Variants in KLHDC8A observed in about 807,000 individuals in gnomAD.
The protein encoded by KLHDC8A is kelch domain-containing protein 8A.
Under a neutral mutation model 33.1 loss-of-function variants are expected in KLHDC8A, and 21 were observed. That is an observed-to-expected ratio of 0.64 (90% CI 0.45 to 0.91). The LOEUF is 0.91. Among genes scored for constraint, KLHDC8A ranks in the 40% least tolerant of loss-of-function variants. The pLI is 0.00. For synonymous variants in KLHDC8A, 173 were observed against 193.5 expected (o/e 0.89, Z 0.88); for missense variants, 435 against 483.3 (o/e 0.90, Z 0.94).
rs977646525 is a variant in KLHDC8A at position 205,339,519 on chromosome 1, G to A, written c.542-110C>T. ...TTACTCATTCATACAGGAAGCTCCCGGTGGGCTGGGCAGTGTGATTATCCC... is the reference window on the plus strand; with the variant it reads ...TTACTCATTCATACAGGAAGCTCCCAGTGGGCTGGGCAGTGTGATTATCCC... On this transcript the variant is annotated intron_variant, in intron 3 of 5. Coordinates refer to ENST00000367155, the MANE Select transcript of KLHDC8A (RefSeq NM_018203.3). This position sits in a 1 kb window ranked among gnomAD's most constrained non-coding sequence, Gnocchi z 5.1. 2.9e-5 allele frequency: 41 copies of A among 1,411,334 alleles called. No individual in the cohort carries two copies. The highest frequency in any genetic ancestry group is 3.4e-5 in the Non-Finnish European group (35 of 1,017,816). 87.4% of individuals were successfully genotyped at this position (1,411,334 alleles called of 1,614,324 possible). A position where few individuals can be genotyped will look rare whatever the true frequency, so the allele number is the denominator to read the frequency against.
intron 1 of KLHDC8A, among the ~76,000 whole-genome samples, chr1:205,349,238 G>A (rs935313174): frequency 1.8e-4 from 28 of 152,276 alleles, no homozygotes; most frequent in African/African-American, 4.8e-4. Context: ...CTGGAGTCCC[G>A]CAGAATGGCC....
At position 205,343,293 on chromosome 1, in the gene KLHDC8A, C is replaced by T. The variant is rs1406025019; in HGVS notation, c.312G>A (p.Glu104=). The change falls in exon 2 of 6, where the codon GAG becomes GAA. Residue 104 remains glutamate (E), a synonymous_variant. Transcript: ENST00000367155. ...LKVVEMYNID[E]GKWKKRSMLR... ...GCATGCTCCTCTTCTTCCACTTGCCCTCATCGATGTTGTACATCTCCACGA... is the reference window on the plus strand; with the variant it reads ...GCATGCTCCTCTTCTTCCACTTGCCTTCATCGATGTTGTACATCTCCACGA... 6.2e-7 allele frequency: 1 copy of T among 1,612,924 alleles called. No homozygotes were observed. The highest frequency in any genetic ancestry group is 8.5e-7 in the Non-Finnish European group (1 of 1,179,496).
Position 205,351,198 on chromosome 1 carries a change from C to T in KLHDC8A, c.-190+5335G>A, listed in dbSNP as rs1663094359. The T allele has an allele frequency of 7.8e-6, 6 of 766,322 alleles. No individual in the cohort carries two copies. In the South Asian group the frequency reaches 8.2e-5, roughly 10 times the overall value. The allele number at this position is 766,322 out of a possible 1,614,324, so 47.5% of individuals were successfully genotyped here. A position where few individuals can be genotyped will look rare whatever the true frequency, so the allele number is the denominator to read the frequency against. The stretch of plus-strand genomic sequence containing the variant: ...TTGGGCTTTTATTTGATCATCACTG[C>T]TCACTTTAAGAGCAGGCTTTCGATC... On this transcript the variant is annotated intron_variant, in intron 1 of 5. Transcript: ENST00000367155.
chr1:205,349,557 C>A (rs1449279515), intron 1 of KLHDC8A, among the ~76,000 whole-genome samples: 1 of 152,182 alleles, frequency 6.6e-6, no homozygotes, highest in East Asian at 1.9e-4. Flanking sequence ...GTTGGGAAGC[C>A]ACACGCTCCT....
At chr1:205,347,342 C>T (rs16855414) in intron 1 of KLHDC8A, among the ~76,000 whole-genome samples, 30,959 of 152,084 alleles carry the variant, frequency 0.2, 3,197 homozygotes, top group East Asian at 0.31. Flanking sequence ...TCAGAAAGTT[C>T]TTCCTCATGT....
chr1:205,348,791 T>A (rs968572340), intron 1 of KLHDC8A, among the ~76,000 whole-genome samples: 1 of 152,118 alleles, frequency 6.6e-6, no homozygotes, highest in African/African-American at 2.4e-5. Flanking sequence ...ATAGGCAGCC[T>A]TACCAGGGCC....
chr1:205,351,099 G>A (rs1206853195), intron 1 of KLHDC8A: 2 of 609,078 alleles, frequency 3.3e-6, no homozygotes, highest in East Asian at 3.0e-5. Flanking sequence ...TCCCCACCCA[G>A]GAGAGAAGGG....
At chr1:205,348,890 C>A (rs539100644) in intron 1 of KLHDC8A, among the ~76,000 whole-genome samples, 1 of 152,320 alleles carries the variant, frequency 6.6e-6, no homozygotes, top group Non-Finnish European at 1.5e-5. Context: ...TCTGCTGCAA[C>A]CTAAATTGCA....
chr1:205,344,808 C>T (rs1662902178), intron 1 of KLHDC8A, among the ~76,000 whole-genome samples: 3 of 152,138 alleles, frequency 2.0e-5, no homozygotes, highest in Non-Finnish European at 1.5e-5. Context: ...ATAGACACAT[C>T]CACAGAGACA....
intron 1 of KLHDC8A, among the ~76,000 whole-genome samples, chr1:205,345,545 C>T (rs1662923514): frequency 6.6e-6 from 1 of 152,132 alleles, no homozygotes; most frequent in South Asian, 2.1e-4. Flanking sequence ...CCAGACCAGC[C>T]TGGCCAACAT....
chr1:205,351,478 A>G (rs1227272115), intron 1 of KLHDC8A: 1 of 780,010 alleles, frequency 1.3e-6, no homozygotes, highest in Non-Finnish European at 2.4e-6. Flanking sequence ...ATGAGTATAA[A>G]TAATGGCTGG....
At chr1:205,338,643 A>G in intron 4 of KLHDC8A, 47 bp from the exon 5 acceptor site, 1 of 1,472,480 alleles carries the variant, frequency 6.8e-7, no homozygotes. Context: ...AATAAGATAC[A>G]GACCACTCCC....
At chr1:205,340,341 G>A (rs766811280) in intron 2 of KLHDC8A, among the ~76,000 whole-genome samples, 1 of 152,154 alleles carries the variant, frequency 6.6e-6, no homozygotes, top group East Asian at 1.9e-4. Context: ...GCCATGGTAC[G>A]ACTACACGCC....
At chr1:205,352,200 C>T (rs1354356598) in intron 1 of KLHDC8A, among the ~76,000 whole-genome samples, 1 of 152,130 alleles carries the variant, frequency 6.6e-6, no homozygotes, top group Admixed American at 6.5e-5. Context: ...GTTGTCCATC[C>T]CATGCCTCTA....
chr1:205,351,527 T>C (rs1663105268), intron 1 of KLHDC8A: 1 of 749,394 alleles, frequency 1.3e-6, no homozygotes, highest in African/African-American at 1.7e-5. Flanking sequence ...ATAGGTCCTG[T>C]TTTACTATGA....
intron 1 of KLHDC8A, among the ~76,000 whole-genome samples, chr1:205,347,870 A>G (rs555182922): frequency 4.6e-5 from 7 of 152,258 alleles, no homozygotes; most frequent in African/African-American, 9.6e-5. Context: ...ATCAAACTTG[A>G]GGATGCTCAG....
intron 2 of KLHDC8A, among the ~76,000 whole-genome samples, chr1:205,340,461 G>A (rs1662760717): frequency 6.6e-6 from 1 of 152,124 alleles, no homozygotes; most frequent in African/African-American, 2.4e-5. Flanking sequence ...TCCCTGGGCA[G>A]CCAGAGGGGA....
At chr1:205,350,199 C>G (rs1383257736) in intron 1 of KLHDC8A, among the ~76,000 whole-genome samples, 1 of 152,214 alleles carries the variant, frequency 6.6e-6, no homozygotes, top group African/African-American at 2.4e-5. Context: ...TGGCTACCCT[C>G]TCTTGCTACC....
chr1:205,354,429 A>G (rs2102304243), intron 1 of KLHDC8A, among the ~76,000 whole-genome samples: 1 of 152,330 alleles, frequency 6.6e-6, no homozygotes, highest in East Asian at 1.9e-4. Flanking sequence ...TGTGTAATGA[A>G]TATTGAGCTG....
Sources: gnomAD v4.1 joint callset for allele counts (sites outside exome capture counted in the v4.1 genomes callset) on GRCh38, gnomAD v4.1.1 for gene constraint, Gnocchi (gnomAD v3.1) non-coding constraint, MANE v1.5 for transcripts, NCBI Gene and HGNC (gene_info 2026-07-23, HGNC 2026-07-21) for gene names.